CCL28: variants seen among roughly 807,000 people sequenced by gnomAD.
CCL28 encodes the protein C-C motif chemokine 28.
A neutral mutation model predicts 7.1 loss-of-function variants in CCL28; 4 were observed. The observed-to-expected ratio is 0.56, with a 90% confidence interval of 0.28 to 1.29. CCL28 has a LOEUF of 1.29. Among genes scored for constraint, CCL28 ranks in the 50% most tolerant of loss-of-function variants. The pLI, the probability that CCL28 is intolerant of heterozygous loss-of-function variation, is 0.11. For synonymous variants in CCL28, 55 were observed against 57.8 expected (o/e 0.95, Z 0.22); for missense variants, 151 against 163.4 (o/e 0.92, Z 0.41).
intron 1 of CCL28, among the ~76,000 whole-genome samples, chr5:43,389,153 C>T (rs998951407): frequency 6.6e-6 from 1 of 152,038 alleles, no homozygotes; most frequent in African/African-American, 2.4e-5. Context: ...GGAGGGGACA[C>T]GGAGTGACTG....
chr5:43,403,950 G>A (rs1207300894), intron 1 of CCL28, among the ~76,000 whole-genome samples: 1 of 152,098 alleles, frequency 6.6e-6, no homozygotes, highest in African/African-American at 2.4e-5. Context: ...GAGAAGAGAA[G>A]TTTAGAGAAA....
the CCL28 span, among the ~76,000 whole-genome samples, chr5:43,370,136 G>A: frequency 6.6e-6 from 1 of 152,192 alleles, no homozygotes; most frequent in Non-Finnish European, 1.5e-5. Context: ...AGTGAGACCA[G>A]TATAAGAACT....
chr5:43,396,447 T>C (rs983566815), intron 1 of CCL28, among the ~76,000 whole-genome samples: 18 of 152,186 alleles, frequency 1.2e-4, no homozygotes, highest in Admixed American at 5.2e-4. Context: ...TAGCTCCTAT[T>C]TTAAGATGGG....
chr5:43,360,801 A>G, the CCL28 span, among the ~76,000 whole-genome samples: 256 of 151,908 alleles, frequency 1.7e-3, 2 homozygotes, highest in African/African-American at 5.9e-3. Flanking sequence ...TTTGTTTCTT[A>G]TAGATTCTGG....
At chr5:43,357,928 A>G in the CCL28 span, among the ~76,000 whole-genome samples, 1 of 152,284 alleles carries the variant, frequency 6.6e-6, no homozygotes, top group East Asian at 1.9e-4. Context: ...GCCCAAGGGT[A>G]TTGTCCCAGC....
At chr5:43,364,703 AG>A in the CCL28 span, among the ~76,000 whole-genome samples, 1 of 152,152 alleles carries the variant, frequency 6.6e-6, no homozygotes, top group African/African-American at 2.4e-5. Flanking sequence ...GTCTCTTTGT[AG>A]GTCTCTAAGA....
At chr5:43,382,393 A>T (rs552515254) in intron 2 of CCL28, among the ~76,000 whole-genome samples, 15 of 152,298 alleles carry the variant, frequency 9.8e-5, no homozygotes, top group African/African-American at 3.6e-4. Context: ...ACAATAATAA[A>T]AACCAAGTGA....
the CCL28 span, among the ~76,000 whole-genome samples, chr5:43,358,068 C>G: frequency 6.6e-6 from 1 of 152,208 alleles, no homozygotes. Context: ...AATGTCACCA[C>G]TCACGCCTTG....
rs557711215 is a variant in CCL28, at chr5:43,403,731, G to A, written c.64+8522C>T. On this transcript the variant is annotated intron_variant, in intron 1 of 2. Transcript: ENST00000361115. ...TACTCCGAGCTAAAGGAGGAAGTTCGAACCCATGGCAAAGAAGTTAAAAAC... is the reference window on the plus strand; with the variant it reads ...TACTCCGAGCTAAAGGAGGAAGTTCAAACCCATGGCAAAGAAGTTAAAAAC... 5.9e-5 allele frequency among the ~76,000 whole-genome samples: 9 copies of A among 152,004 alleles called. No homozygotes were observed. The South Asian group carries it at 1.7e-3, about 28-fold the overall frequency.
the CCL28 span, among the ~76,000 whole-genome samples, chr5:43,369,210 G>C: frequency 6.6e-6 from 1 of 152,116 alleles, no homozygotes; most frequent in South Asian, 2.1e-4. Flanking sequence ...GAAGGGGATT[G>C]CTTAAGGGCC....
intron 1 of CCL28, among the ~76,000 whole-genome samples, chr5:43,403,305 G>C (rs113462925): frequency 0.14 from 20,661 of 152,170 alleles, 1,750 homozygotes; most frequent in Middle Eastern, 0.26. Flanking sequence ...GACCCTCTGA[G>C]ATGAAGCTTG....
intron 1 of CCL28, among the ~76,000 whole-genome samples, chr5:43,393,400 G>A (rs1401261620): frequency 1.3e-5 from 2 of 151,598 alleles, no homozygotes; most frequent in African/African-American, 4.9e-5. Flanking sequence ...TGTTGCCCAG[G>A]CTGGAGGGCA....
rs561780845 is a variant in CCL28, at chr5:43,385,105, G to T, written c.192-3053C>A. 3.9e-5 allele frequency among the ~76,000 whole-genome samples: 6 copies of T among 152,252 alleles called. No individual in the cohort carries two copies. In the East Asian group the frequency reaches 5.8e-4, roughly 15 times the overall value. On this transcript the variant is annotated intron_variant, in intron 2 of 2. Coordinates refer to ENST00000361115, the MANE Select transcript of CCL28 (RefSeq NM_148672.3). ...GTAGAGACAAGGTTTCACCGTGTTA[G>T]CCAGGATGGTCTCGATCTTCTGACC...
At chr5:43,359,354 CAA>C in the CCL28 span, among the ~76,000 whole-genome samples, 28 of 152,136 alleles carry the variant, frequency 1.8e-4, no homozygotes, top group Admixed American at 1.1e-3. Context: ...TTATGGGAAA[CAA>C]AGAGATGGGT....
Position 43,381,217 on chromosome 5 carries a change from A to C in CCL28, c.*643T>G, listed in dbSNP as rs894842151. 1.3e-5 allele frequency: 2 copies of C among 152,164 alleles called. No homozygotes were observed. Among genetic ancestry groups the C allele is most frequent in the Non-Finnish European group, 2.9e-5 (2 of 68,024 alleles). 9.4% of individuals were successfully genotyped at this position (152,164 alleles called of 1,614,324 possible). ...AGAGAGGAGAGAGAAAGCAAATGTG[A>C]CACAATATTAACAATGATTAATATT... On this transcript the variant is annotated 3_prime_UTR_variant, in exon 3 of 3. Transcript: ENST00000361115.
At chr5:43,382,128 C>T (rs1237503466) in intron 2 of CCL28, 76 bp from the exon 3 acceptor site, 1 of 1,341,038 alleles carries the variant, frequency 7.5e-7, no homozygotes, top group African/African-American at 1.5e-5. Flanking sequence ...TTACATGCAG[C>T]TCCCACTTTG....
the CCL28 span, among the ~76,000 whole-genome samples, chr5:43,357,325 G>A: frequency 6.6e-6 from 1 of 152,200 alleles, no homozygotes; most frequent in Admixed American, 6.5e-5. Flanking sequence ...AAGTCACTTG[G>A]CAAAGGGTGT....
intron 1 of CCL28, among the ~76,000 whole-genome samples, chr5:43,400,271 A>G (rs904147662): frequency 6.6e-6 from 1 of 152,138 alleles, no homozygotes; most frequent in Non-Finnish European, 1.5e-5. Context: ...AGTTTTAGTC[A>G]CTAGAGGGCT....
At chr5:43,366,868 C>A in the CCL28 span, among the ~76,000 whole-genome samples, 1 of 152,374 alleles carries the variant, frequency 6.6e-6, no homozygotes, top group East Asian at 1.9e-4. Context: ...TCTAGAGAGG[C>A]AGTCTGGCTA....
Sources: allele counts gnomAD v4.1 joint callset (sites outside exome capture counted in the v4.1 genomes callset), GRCh38; gene constraint gnomAD v4.1.1; transcripts MANE v1.5; gene names NCBI Gene and HGNC (gene_info 2026-07-23, HGNC 2026-07-21).